The following MYO3A variants were observed in gnomAD, a reference collection of about 807,000 sequenced individuals.
MYO3A encodes the protein myosin-IIIa.
MYO3A carries 180 observed loss-of-function variants against 192.7 expected under a neutral mutation model. That is an observed-to-expected ratio of 0.93 (90% CI 0.83 to 1.06). MYO3A has a LOEUF of 1.06. Ranked by LOEUF, MYO3A falls within the 50% of genes least tolerant of loss-of-function variation. The pLI, the probability that MYO3A is intolerant of heterozygous loss-of-function variation, is 0.00. For missense variants in MYO3A, 1,896 were observed against 1,905.0 expected, an observed-to-expected ratio of 1.00 and a Z score of 0.09; for synonymous variants, 628 against 645.3, an observed-to-expected ratio of 0.97 and a Z score of 0.41.
chr10:25,948,532 T>C (rs1837008066), intron 2 of MYO3A, among the ~76,000 whole-genome samples: 1 of 152,260 alleles, frequency 6.6e-6, no homozygotes, highest in South Asian at 2.1e-4. Flanking sequence ...TATTTATATG[T>C]TTTAATTTTA....
At chr10:25,949,596 A>T (rs1837070989) in intron 2 of MYO3A, among the ~76,000 whole-genome samples, 1 of 152,094 alleles carries the variant, frequency 6.6e-6, no homozygotes, top group Non-Finnish European at 1.5e-5. Flanking sequence ...TTTCATAAGG[A>T]TTAAGTGTTC....
chr10:26,051,397 A>G (rs973101992), intron 10 of MYO3A, among the ~76,000 whole-genome samples: 7 of 151,958 alleles, frequency 4.6e-5, no homozygotes, highest in African/African-American at 1.4e-4. Flanking sequence ...GCATTAAAGG[A>G]GACATCTAAT....
chr10:25,980,878 AGG>A (rs1839290848), intron 4 of MYO3A, among the ~76,000 whole-genome samples: 3 of 152,224 alleles, frequency 2.0e-5, no homozygotes, highest in Admixed American at 6.5e-5. Context: ...AGTTTACATT[AGG>A]GTTCCCTACT....
At chr10:26,014,701 A>G (rs1291137517) in intron 6 of MYO3A, among the ~76,000 whole-genome samples, 1 of 152,122 alleles carries the variant, frequency 6.6e-6, no homozygotes, top group African/African-American at 2.4e-5. Flanking sequence ...CATCAACAAA[A>G]TAATAATGTT....
At chr10:26,187,290 G>A (rs1485889643) in intron 31 of MYO3A, among the ~76,000 whole-genome samples, 1 of 152,110 alleles carries the variant, frequency 6.6e-6, no homozygotes, top group Non-Finnish European at 1.5e-5. Context: ...TATGGGATTA[G>A]GTTCTATGTT....
At chr10:26,087,870 G>A (rs1836435790) in intron 14 of MYO3A, among the ~76,000 whole-genome samples, 1 of 152,200 alleles carries the variant, frequency 6.6e-6, no homozygotes, top group South Asian at 2.1e-4. Context: ...TTGGATGGGG[G>A]CCCACGCAGG....
chr10:26,061,779 T>C, intron 10 of MYO3A, among the ~76,000 whole-genome samples: 1 of 152,166 alleles, frequency 6.6e-6, no homozygotes, highest in Middle Eastern at 3.2e-3. Context: ...CAGCCAAGTA[T>C]TGATCCCTCT....
At position 26,170,414 on chromosome 10, in the gene MYO3A, A is replaced by G. The variant is rs377694329; in HGVS notation, c.3275-2A>G. On this transcript the variant is annotated splice_acceptor_variant, in intron 28 of 34. Transcript: ENST00000642920. LOFTEE classifies it high-confidence loss of function. ...CACTACTATGGGCTTTCTGTGTTTC[A>G]GCTGCAAGAGGACACCTTGTCAGGA... The G allele has an allele frequency of 6.5e-5, 105 of 1,613,048 alleles. No homozygotes were observed. Among genetic ancestry groups the G allele is most frequent in the Non-Finnish European group, 8.7e-5 (103 of 1,179,458 alleles).
intron 10 of MYO3A, among the ~76,000 whole-genome samples, chr10:26,057,977 TTGACACATCC>T (rs1834217740): frequency 6.6e-6 from 1 of 152,176 alleles, no homozygotes; most frequent in Admixed American, 6.5e-5. Flanking sequence ...TGAACCTACA[TTGACACATCC>T]CTATCATCCA....
At chr10:26,164,831 A>G (rs1841657635) in intron 26 of MYO3A, among the ~76,000 whole-genome samples, 1 of 152,028 alleles carries the variant, frequency 6.6e-6, no homozygotes, top group African/African-American at 2.4e-5. Flanking sequence ...GAACTGTGAG[A>G]CCCTGGCTGG....
chr10:26,075,988 C>T (rs1835551152), intron 14 of MYO3A, among the ~76,000 whole-genome samples: 1 of 151,564 alleles, frequency 6.6e-6, no homozygotes, highest in African/African-American at 2.4e-5. Flanking sequence ...TGAATAATGA[C>T]TTATTTTCTT....
rs1255424552 is a variant in MYO3A at position 26,174,115 on chromosome 10, C to A, written c.3851C>A (p.Thr1284Asn). The change falls in exon 30 of 35, where the codon ACT becomes AAT. Residue 1284 changes from threonine (T) to asparagine (N), a missense_variant. Thr to Asn is a moderately conservative substitution (Grantham distance 65). Coordinates refer to ENST00000642920, the MANE Select transcript of MYO3A (RefSeq NM_017433.5). Reference protein sequence around the residue: ...LAENETSFKKTLEPTLSQRSI... With the variant: ...LAENETSFKKNLEPTLSQRSI... ...GAAAATGAGACTTCCTTTAAAAAAA[C>A]TTTGGAACCTACACTTAGCCAAAGG... 1.2e-6 allele frequency: 2 copies of A among 1,614,150 alleles called. No individual in the cohort carries two copies. Among genetic ancestry groups the A allele is most frequent in the East Asian group, 4.5e-5 (2 of 44,880 alleles).
chr10:26,090,828 T>A (rs542137485), intron 15 of MYO3A, among the ~76,000 whole-genome samples: 6 of 152,330 alleles, frequency 3.9e-5, no homozygotes, highest in African/African-American at 1.4e-4. Flanking sequence ...CAAGAATGAA[T>A]GGTGAGAAGC....
intron 32 of MYO3A, among the ~76,000 whole-genome samples, chr10:26,194,381 G>A (rs1589113054): frequency 1.3e-5 from 2 of 152,048 alleles, no homozygotes; most frequent in Admixed American, 1.3e-4. Context: ...TTGTCCTCGA[G>A]CCATAGTGAA....
At chr10:25,968,232 A>C (rs532898414) in intron 4 of MYO3A, among the ~76,000 whole-genome samples, 2 of 152,350 alleles carry the variant, frequency 1.3e-5, no homozygotes, top group South Asian at 4.1e-4. Flanking sequence ...GTTTGTCATC[A>C]AATGCAATGG....
intron 4 of MYO3A, among the ~76,000 whole-genome samples, 155 bp downstream of exon 4, chr10:25,955,163 T>C (rs929881029): frequency 6.6e-6 from 1 of 152,060 alleles, no homozygotes; most frequent in African/African-American, 2.4e-5. Context: ...CCTTGCCTTC[T>C]TAAGAAACAT....
chr10:26,146,499 C>G (rs1840472504), intron 22 of MYO3A, among the ~76,000 whole-genome samples: 1 of 152,098 alleles, frequency 6.6e-6, no homozygotes, highest in Non-Finnish European at 1.5e-5. Flanking sequence ...ATCTGGGAGG[C>G]CTCTCTTCCT....
At chr10:26,194,116 T>C (rs34966498) in intron 32 of MYO3A, among the ~76,000 whole-genome samples, 31,863 of 152,020 alleles carry the variant, frequency 0.21, 3,914 homozygotes, top group African/African-American at 0.33. Context: ...CCCCCTCTAA[T>C]CTCACAGCAA....
chr10:25,972,996 T>C (rs1315193025), intron 4 of MYO3A, among the ~76,000 whole-genome samples: 4 of 152,216 alleles, frequency 2.6e-5, no homozygotes, highest in African/African-American at 9.6e-5. Context: ...TTTTTAAAAA[T>C]TCTATTTGCT....
Sources: allele counts gnomAD v4.1 joint callset (sites outside exome capture counted in the v4.1 genomes callset), GRCh38; gene constraint gnomAD v4.1.1; transcripts MANE v1.5; gene names NCBI Gene and HGNC (gene_info 2026-07-23, HGNC 2026-07-21).